GALNT9: variants seen among roughly 807,000 people sequenced by gnomAD.
GALNT9 encodes the protein GalNAc transferase 9.
Under a neutral mutation model 63.1 loss-of-function variants are expected in GALNT9, and 47 were observed. The ratio of observed to expected loss-of-function variants is 0.75; its 90% CI spans 0.59 to 0.95. The LOEUF is 0.95. Among genes scored for constraint, GALNT9 ranks in the 40% least tolerant of loss-of-function variants. GALNT9 has a pLI of 0.00. For missense variants in GALNT9, 829 were observed against 874.8 expected, an observed-to-expected ratio of 0.95 and a Z score of 0.66; for synonymous variants, 396 against 365.7, an observed-to-expected ratio of 1.08 and a Z score of -0.94.
intron 6 of GALNT9, among the ~76,000 whole-genome samples, chr12:132,243,251 G>GGGCCATCAGGGC (rs1878520914): frequency 3.2e-5 from 4 of 126,006 alleles, no homozygotes; most frequent in African/African-American, 1.3e-4. Flanking sequence ...CCTTCCCGGG[G>GGGCCATCAGGGC]CCCTCCCTAT....
At chr12:132,243,210 T>C (rs1303133409) in intron 6 of GALNT9, among the ~76,000 whole-genome samples, 8 of 78,926 alleles carry the variant, frequency 1.0e-4, no homozygotes, top group African/African-American at 2.5e-4. Context: ...CCCGGGGCCC[T>C]CCCTATACCC....
At chr12:132,299,741 C>T (rs368926735) in intron 1 of GALNT9, among the ~76,000 whole-genome samples, 1 of 136,932 alleles carries the variant, frequency 7.3e-6, no homozygotes, top group Non-Finnish European at 1.6e-5. Flanking sequence ...ATAACTAACC[C>T]ACTCCCACCA....
chr12:132,287,059 G>GCCCCCCCC (rs57471643), intron 1 of GALNT9, among the ~76,000 whole-genome samples: 2 of 80,516 alleles, frequency 2.5e-5, no homozygotes, highest in African/African-American at 8.1e-5. Flanking sequence ...CTGAGTGAGC[G>GCCCCCCCC]CCCCCCCCCC....
chr12:132,280,335 G>C (rs1371048814), intron 2 of GALNT9: 1 of 152,292 alleles, frequency 6.6e-6, no homozygotes, highest in Non-Finnish European at 1.5e-5. Flanking sequence ...CCAAGGTGAG[G>C]AGATGCCTGA....
chr12:132,204,196 G>A (rs1459756323), intron 6 of GALNT9, among the ~76,000 whole-genome samples: 1 of 152,148 alleles, frequency 6.6e-6, no homozygotes, highest in African/African-American at 2.4e-5. Flanking sequence ...CGCAGCCCCT[G>A]GCTTTCTGAA....
In GALNT9 at chr12:132,286,233, G is replaced by A. The variant is rs1453455628; in HGVS notation, c.419+17C>T. 5.2e-6 allele frequency: 8 copies of A among 1,542,890 alleles called. No homozygotes were observed. The highest frequency in any genetic ancestry group is 6.1e-6 in the Non-Finnish European group (7 of 1,141,560). ...CCTCGGCGGGCGTCGGGGGATGGGG[G>A]GCAGTCACTCACTCACTTTCTGGGC... On this transcript the variant is annotated intron_variant, in intron 2 of 10. Coordinates refer to ENST00000328957, the MANE Select transcript of GALNT9 (RefSeq NM_001122636.2). This position sits in a 1 kb window ranked among gnomAD's most constrained non-coding sequence, Gnocchi z 7.4.
At chr12:132,211,564 T>G (rs1444196940) in intron 6 of GALNT9, among the ~76,000 whole-genome samples, 1 of 152,096 alleles carries the variant, frequency 6.6e-6, no homozygotes, top group African/African-American at 2.4e-5. Context: ...GCAGTCTTAC[T>G]GTGATCCGCT....
Position 132,304,435 on chromosome 12 carries a change from GCCCGGGCACAC to G in GALNT9, c.239-18016_239-18006del, listed in dbSNP as rs1566019544. Among the ~76,000 whole-genome samples the G allele has an allele frequency of 1.1e-3, 24 of 21,208 alleles. 1 individual carries two copies. Among genetic ancestry groups the G allele is most frequent in the African/African-American group, 4.3e-3 (22 of 5,146 alleles). 13.9% of individuals were successfully genotyped at this position (21,208 alleles called of 152,430 possible). A position where few individuals can be genotyped will look rare whatever the true frequency, so the allele number is the denominator to read the frequency against. The stretch of plus-strand genomic sequence containing the variant: ...CACGCCCTCACCCGGGCACAGCCTC[GCCCGGGCACAC>G]CCTCGCCCGGGCACAGCCTCGCCCG... On this transcript the variant is annotated intron_variant, in intron 1 of 10. Coordinates refer to ENST00000328957, the MANE Select transcript of GALNT9 (RefSeq NM_001122636.2).
chr12:132,317,704 C>A (rs1416561495), intron 1 of GALNT9, among the ~76,000 whole-genome samples: 1 of 152,216 alleles, frequency 6.6e-6, no homozygotes, highest in Non-Finnish European at 1.5e-5. Context: ...GTAGAGGCTG[C>A]GCCCAGCCCT....
rs1438820161 is a variant in GALNT9 at position 132,310,170 on chromosome 12, G to A, written c.238+18796C>T. 1.3e-5 allele frequency among the ~76,000 whole-genome samples: 2 copies of A among 152,226 alleles called. No individual in the cohort carries two copies. The highest frequency in any genetic ancestry group is 4.8e-5 in the African/African-American group (2 of 41,456). Reference sequence around the variant, plus strand: ...GCAGCCAATGTGTGACCATGAGACCGAATGCCTCCAGCAGGAGGGGAGGAG... The same window carrying A: ...GCAGCCAATGTGTGACCATGAGACCAAATGCCTCCAGCAGGAGGGGAGGAG... On this transcript the variant is annotated intron_variant, in intron 1 of 10. Coordinates refer to ENST00000328957, the MANE Select transcript of GALNT9 (RefSeq NM_001122636.2). This position sits in a 1 kb window ranked among gnomAD's most constrained non-coding sequence, Gnocchi z 4.8.
chr12:132,268,121 A>G (rs1306171316), intron 2 of GALNT9, among the ~76,000 whole-genome samples: 5 of 142,958 alleles, frequency 3.5e-5, no homozygotes, highest in African/African-American at 1.5e-4. Flanking sequence ...ACACAAACCC[A>G]CACACACACT....
chr12:132,264,372 CG>C (rs1169962928), intron 2 of GALNT9, among the ~76,000 whole-genome samples: 5 of 152,230 alleles, frequency 3.3e-5, no homozygotes, highest in Admixed American at 2.6e-4. Flanking sequence ...GAAGCCGAGC[CG>C]GGATGGCCTA....
chr12:132,240,763 T>C (rs1476218230), intron 6 of GALNT9: 6 of 455,198 alleles, frequency 1.3e-5, no homozygotes, highest in African/African-American at 4.0e-5. Flanking sequence ...ACCAGCAGAA[T>C]TGGAATGTGC....
rs28735197 is a variant in GALNT9, at chr12:132,273,351, C to T, written c.420-10726G>A. On this transcript the variant is annotated intron_variant, in intron 2 of 10. Coordinates refer to ENST00000328957, the MANE Select transcript of GALNT9 (RefSeq NM_001122636.2). ...TTGGCCAGGCTGGTCTCGTGTGATG[C>T]GCCCGCCTCGGCCTGGGGTTCCTGT... The T allele has an allele frequency of 8.4e-3, 1,274 of 152,420 alleles. 21 individuals are homozygous for T. The highest frequency in any genetic ancestry group is 0.029 in the African/African-American group (1,216 of 41,570). The allele number at this position is 152,420 out of a possible 1,614,324, so 9.4% of individuals were successfully genotyped here.
intron 6 of GALNT9, among the ~76,000 whole-genome samples, chr12:132,228,327 T>C (rs1877772577): frequency 6.6e-6 from 1 of 150,394 alleles, no homozygotes; most frequent in Non-Finnish European, 1.5e-5. Flanking sequence ...TGAGTGTGGG[T>C]GGCGGGGCGG....
chr12:132,286,479 G>A lies in GALNT9; in HGVS notation c.239-49C>T, dbSNP rs782554436. 57 of 1,507,404 alleles carry A rather than the reference G, an allele frequency of 3.8e-5. No individual in the cohort carries two copies. Among genetic ancestry groups the A allele is most frequent in the South Asian group, 5.1e-5 (4 of 78,308 alleles). The allele number at this position is 1,507,404 out of a possible 1,614,324, so 93.4% of individuals were successfully genotyped here. ...GTCAGGCAGGCCCAGGACACGCTGC[G>A]TCTGCACCCAGGAGACGCCCCTCCC... On this transcript the variant is annotated intron_variant, in intron 1 of 10. Transcript: ENST00000328957. The surrounding 1 kb of genome is among the most constrained non-coding windows in gnomAD (Gnocchi z 7.4).
intron 6 of GALNT9, among the ~76,000 whole-genome samples, chr12:132,237,657 C>A (rs1878055207): frequency 6.6e-6 from 1 of 152,220 alleles, no homozygotes; most frequent in Non-Finnish European, 1.5e-5. Flanking sequence ...GCAGGAGATG[C>A]CCAGTGTGGT....
At chr12:132,295,026 G>A (rs891278731) in intron 1 of GALNT9, among the ~76,000 whole-genome samples, 4 of 152,224 alleles carry the variant, frequency 2.6e-5, no homozygotes, top group African/African-American at 7.2e-5. Flanking sequence ...CCCGGCCTGC[G>A]GCTGCAGGGC....
chr12:132,284,314 A>C (rs28495025), intron 2 of GALNT9: 1 of 151,576 alleles, frequency 6.6e-6, no homozygotes, highest in Non-Finnish European at 1.5e-5. Flanking sequence ...GCGCGCACGC[A>C]CACACACACA....
Sources: allele counts gnomAD v4.1 joint callset (sites outside exome capture counted in the v4.1 genomes callset), GRCh38; gene constraint gnomAD v4.1.1; non-coding constraint Gnocchi (gnomAD v3.1); transcripts MANE v1.5; gene names NCBI Gene and HGNC (gene_info 2026-07-23, HGNC 2026-07-21).